The following SLC9A2 variants were observed in gnomAD, a reference collection of about 807,000 sequenced individuals.
SLC9A2 encodes solute carrier family 9 member A2.
SLC9A2 carries 42 observed loss-of-function variants against 71.7 expected under a neutral mutation model. The ratio of observed to expected loss-of-function variants is 0.59; its 90% CI spans 0.46 to 0.76. SLC9A2 has a LOEUF of 0.76. SLC9A2 is among the 30% of genes least tolerant of loss of function. The probability of loss-of-function intolerance (pLI) is 0.00; values close to 1 mark genes in which losing one functional copy is unlikely to be tolerated. For missense variants in SLC9A2, 829 were observed against 1,017.4 expected, an observed-to-expected ratio of 0.81 and a Z score of 2.52; for synonymous variants, 396 against 392.5, an observed-to-expected ratio of 1.01 and a Z score of -0.10.
chr2:102,634,438 C>T (rs986958882), intron 1 of SLC9A2, among the ~76,000 whole-genome samples: 3 of 152,252 alleles, frequency 2.0e-5, no homozygotes, highest in African/African-American at 7.2e-5. Flanking sequence ...GCAGCTTCTT[C>T]GTTAGGTTGT....
At chr2:102,623,633 T>C (rs1676186956) in intron 1 of SLC9A2, among the ~76,000 whole-genome samples, 1 of 152,176 alleles carries the variant, frequency 6.6e-6, no homozygotes. Context: ...GTTGCTCATA[T>C]TTGGGAATGA....
At position 102,644,267 on chromosome 2, in the gene SLC9A2, G is replaced by A. The variant is rs373145830; in HGVS notation, c.290-13297G>A. ...TCCCCTAGCCAAAGGACGCTGTGAGGGACTGTGCATTCTGGCCCAGATACT... is the reference window on the plus strand; with the variant it reads ...TCCCCTAGCCAAAGGACGCTGTGAGAGACTGTGCATTCTGGCCCAGATACT... On this transcript the variant is annotated intron_variant, in intron 1 of 11. Coordinates refer to ENST00000233969, the MANE Select transcript of SLC9A2 (RefSeq NM_003048.6). Among the ~76,000 whole-genome samples, 8 of 152,026 alleles carry A rather than the reference G, an allele frequency of 5.3e-5. No individual in the cohort carries two copies. In the East Asian group the frequency reaches 5.8e-4, roughly 11 times the overall value.
intron 3 of SLC9A2, among the ~76,000 whole-genome samples, chr2:102,667,550 G>T (rs1175146012): frequency 6.6e-6 from 1 of 152,136 alleles, no homozygotes; most frequent in African/African-American, 2.4e-5. Flanking sequence ...GTGATGGAAG[G>T]GTTGGAAGGC....
intron 7 of SLC9A2, among the ~76,000 whole-genome samples, chr2:102,699,993 G>C (rs1207914226): frequency 6.6e-6 from 1 of 152,086 alleles, no homozygotes; most frequent in Non-Finnish European, 1.5e-5. Flanking sequence ...TTCAAATGTG[G>C]TCATAGTCTG....
At chr2:102,694,985 G>T in intron 6 of SLC9A2, 58 bp from the exon 7 acceptor site, 1 of 1,421,826 alleles carries the variant, frequency 7.0e-7, no homozygotes, top group Non-Finnish European at 9.9e-7. Context: ...TACAAGTAGA[G>T]TGAAAATTAT....
rs561680595 is a variant in SLC9A2 at position 102,684,257 on chromosome 2, T to C, written c.1346T>C (p.Leu449Pro). 6.2e-7 allele frequency: 1 copy of C among 1,614,198 alleles called. No homozygotes were observed. Among genetic ancestry groups the C allele is most frequent in the East Asian group, 2.2e-5 (1 of 44,888 alleles). ...GAICFALVFL[L>P]PAAVFPRKKL... ...ATCTGTTTTGCGTTAGTGTTTCTCC[T>C]TCCTGCTGCTGTGTTTCCTCGGAAA... The change falls in exon 5 of 12, where the codon CTT becomes CCT. Residue 449 changes from leucine (L) to proline (P), a missense_variant. By Grantham distance (98) the Leu-to-Pro change is moderately conservative. Transcript: ENST00000233969.
intron 5 of SLC9A2, 68 bp from the exon 6 acceptor site, chr2:102,694,346 T>G: frequency 1.9e-6 from 1 of 528,572 alleles, no homozygotes; most frequent in Non-Finnish European, 2.9e-6. Flanking sequence ...ATATTAAAAT[T>G]TTTATATTAA....
At chr2:102,690,323 G>T (rs1335221197) in intron 5 of SLC9A2, among the ~76,000 whole-genome samples, 1 of 152,102 alleles carries the variant, frequency 6.6e-6, no homozygotes, top group Non-Finnish European at 1.5e-5. Flanking sequence ...GTGATGAGTG[G>T]CCTCTGCACA....
At chr2:102,677,786 T>A (rs973036912) in intron 3 of SLC9A2, among the ~76,000 whole-genome samples, 8 of 152,206 alleles carry the variant, frequency 5.3e-5, no homozygotes, top group South Asian at 2.1e-4. Flanking sequence ...ATTGAAATTA[T>A]AATTTCTCAT....
Position 102,701,145 on chromosome 2 carries a change from T to C in SLC9A2, c.1662T>C (p.Ser554=), listed in dbSNP as rs746242661. ...ACCAACCAAAGTCAAGTATTGTATC[T>C]TTATATAAAAAGCTTGAAATAAAAC... ...RENQPKSSIV[S]LYKKLEIKHA... Residue 554 remains serine (S), a synonymous_variant, in exon 8 of 12, where the codon TCT becomes TCC. Transcript: ENST00000233969. The C allele has an allele frequency of 1.2e-6, 2 of 1,611,640 alleles. No individual in the cohort carries two copies. The highest frequency in any genetic ancestry group is 1.7e-6 in the Non-Finnish European group (2 of 1,178,832).
Position 102,620,107 on chromosome 2 carries a change from T to A in SLC9A2, c.259T>A (p.Trp87Arg). ...HVQIPFEITLWILLASLAKIG... is the reference protein window; with the variant it reads ...HVQIPFEITLRILLASLAKIG... ...GCAGATCCCCTTCGAGATCACCCTT[T>A]GGATCCTGCTGGCCTCCCTGGCCAA... Residue 87 changes from tryptophan to arginine, a missense_variant, in exon 1 of 12, where the codon TGG becomes AGG. By Grantham distance (101) the Trp-to-Arg change is moderately radical (BLOSUM62 -3). Transcript: ENST00000233969. The A allele has an allele frequency of 6.2e-7, 1 of 1,610,474 alleles. No individual in the cohort carries two copies. Among genetic ancestry groups the A allele is most frequent in the Non-Finnish European group, 8.5e-7 (1 of 1,177,468 alleles).
intron 3 of SLC9A2, among the ~76,000 whole-genome samples, chr2:102,676,437 G>C (rs745412960): frequency 2.6e-5 from 4 of 152,200 alleles, no homozygotes; most frequent in Non-Finnish European, 5.9e-5. Flanking sequence ...ATAAACATTA[G>C]TTGAATTGAA....
intron 2 of SLC9A2, among the ~76,000 whole-genome samples, chr2:102,663,143 G>A (rs1677078025): frequency 6.6e-6 from 1 of 152,224 alleles, no homozygotes; most frequent in African/African-American, 2.4e-5. Flanking sequence ...CAAAGTGGAA[G>A]TGGGTACTAC....
intron 3 of SLC9A2, among the ~76,000 whole-genome samples, chr2:102,666,496 C>T (rs114206365): frequency 3.7e-4 from 57 of 152,152 alleles, no homozygotes; most frequent in African/African-American, 1.3e-3. Context: ...CGCGCCCAGC[C>T]GGTTTAGCTT....
intron 1 of SLC9A2, among the ~76,000 whole-genome samples, chr2:102,628,048 T>G (rs1676283866): frequency 6.6e-6 from 1 of 152,102 alleles, no homozygotes; most frequent in Non-Finnish European, 1.5e-5. Flanking sequence ...CCTTATCAAT[T>G]TATCCCAAAT....
intron 1 of SLC9A2, among the ~76,000 whole-genome samples, chr2:102,620,852 A>C (rs545521584): frequency 6.6e-6 from 1 of 152,160 alleles, no homozygotes; most frequent in Admixed American, 6.5e-5. Flanking sequence ...CATCATGGGC[A>C]ACATAGCAAG....
chr2:102,639,493 A>G (rs1676532050), intron 1 of SLC9A2, among the ~76,000 whole-genome samples: 1 of 152,222 alleles, frequency 6.6e-6, no homozygotes, highest in Non-Finnish European at 1.5e-5. Context: ...CTGCATGGTG[A>G]CCATGCCTAC....
chr2:102,639,383 C>T (rs1676529443), intron 1 of SLC9A2, among the ~76,000 whole-genome samples: 1 of 152,216 alleles, frequency 6.6e-6, no homozygotes, highest in Non-Finnish European at 1.5e-5. Flanking sequence ...TATTTTTGAA[C>T]AGCCCAGGCT....
At chr2:102,646,981 T>C (rs926548447) in intron 1 of SLC9A2, among the ~76,000 whole-genome samples, 1 of 151,930 alleles carries the variant, frequency 6.6e-6, no homozygotes, top group Admixed American at 6.6e-5. Flanking sequence ...GATATGGAAC[T>C]CTCCACCCCA....
Sources: allele counts gnomAD v4.1 joint callset (sites outside exome capture counted in the v4.1 genomes callset), GRCh38; gene constraint gnomAD v4.1.1; transcripts MANE v1.5; gene names NCBI Gene and HGNC (gene_info 2026-07-23, HGNC 2026-07-21).